The following SAP30L variants were observed in gnomAD, a reference collection of about 807,000 sequenced individuals.
SAP30L encodes the protein SAP30 like.
Under a neutral mutation model 22.3 loss-of-function variants are expected in SAP30L, and 10 were observed. The ratio of observed to expected loss-of-function variants is 0.45; its 90% CI spans 0.28 to 0.76. SAP30L has a LOEUF of 0.76. Ranked by LOEUF, SAP30L falls within the 30% of genes least tolerant of loss-of-function variation. The pLI is 0.14. For missense variants in SAP30L, 206 were observed against 237.9 expected (o/e 0.87, Z 0.88); for synonymous variants, 91 against 94.1 (o/e 0.97, Z 0.19).
chr5:154,450,331 C>T (rs1392153670), intron 1 of SAP30L, among the ~76,000 whole-genome samples: 1 of 152,208 alleles, frequency 6.6e-6, no homozygotes, highest in Non-Finnish European at 1.5e-5. Context: ...CTTTGTGGAT[C>T]AGATGTGAGA....
chr5:154,452,339 G>A (rs866579524), intron 2 of SAP30L: 6 of 249,326 alleles, frequency 2.4e-5, no homozygotes, highest in African/African-American at 8.2e-5. Context: ...AGAAATGGAC[G>A]TATTCGATTT....
Position 154,459,871 on chromosome 5 carries a change from C to G in SAP30L, c.*3843C>G, listed in dbSNP as rs77768833. ...TGCACTGTTTTTGCTGAGAAAACAA[C>G]GCTTCAGGACTTAAGGTCTAAGCGT... On this transcript the variant is annotated 3_prime_UTR_variant, in exon 4 of 4. Coordinates refer to ENST00000297109, the MANE Select transcript of SAP30L (RefSeq NM_024632.6). 1 of 152,198 alleles carries G rather than the reference C, an allele frequency of 6.6e-6. No homozygotes were observed. 9.4% of individuals were successfully genotyped at this position (152,198 alleles called of 1,614,324 possible). A position where few individuals can be genotyped will look rare whatever the true frequency, so the allele number is the denominator to read the frequency against.
intron 2 of SAP30L, among the ~76,000 whole-genome samples, chr5:154,451,837 C>T (rs889552954): frequency 1.3e-5 from 2 of 152,204 alleles, no homozygotes; most frequent in Non-Finnish European, 2.9e-5. Context: ...GCAGCATCCC[C>T]TCGTGAGATT....
intron 2 of SAP30L, among the ~76,000 whole-genome samples, chr5:154,451,933 G>A (rs879147792): frequency 6.6e-6 from 1 of 152,136 alleles, no homozygotes; most frequent in Non-Finnish European, 1.5e-5. Flanking sequence ...ATCGTCCTGT[G>A]TTGAGAACCA....
At chr5:154,446,844 C>G in intron 1 of SAP30L, 39 bp downstream of exon 1, 1 of 1,549,204 alleles carries the variant, frequency 6.5e-7, no homozygotes, top group Non-Finnish European at 8.8e-7. Context: ...CCCGGCGCCC[C>G]CAGCTCTCCG....
In SAP30L at chr5:154,456,213, T is replaced by G. The variant is rs766753475; in HGVS notation, c.*185T>G. 6.3e-5 allele frequency: 30 copies of G among 474,002 alleles called. No homozygotes were observed. Among genetic ancestry groups the G allele is most frequent in the Non-Finnish European group, 1.0e-4 (29 of 284,192 alleles). 29.4% of individuals were successfully genotyped at this position (474,002 alleles called of 1,614,324 possible). A position where few individuals can be genotyped will look rare whatever the true frequency, so the allele number is the denominator to read the frequency against. On this transcript the variant is annotated 3_prime_UTR_variant, in exon 4 of 4. Coordinates refer to ENST00000297109, the MANE Select transcript of SAP30L (RefSeq NM_024632.6). Reference sequence around the variant, plus strand: ...ATTCAGCATGTGTATAGAAAGACTTTCTTTTACGATAACTCTGGACTAAAA... The same window carrying G: ...ATTCAGCATGTGTATAGAAAGACTTGCTTTTACGATAACTCTGGACTAAAA...
intron 1 of SAP30L, among the ~76,000 whole-genome samples, chr5:154,447,178 TTC>T (rs1757036559): frequency 1.3e-5 from 2 of 152,346 alleles, no homozygotes; most frequent in African/African-American, 4.8e-5. Flanking sequence ...CTTTTCCAAC[TTC>T]TCTCTCCTTC....
At chr5:154,450,195 T>A (rs1249810569) in intron 1 of SAP30L, among the ~76,000 whole-genome samples, 1 of 152,246 alleles carries the variant, frequency 6.6e-6, no homozygotes, top group Non-Finnish European at 1.5e-5. Context: ...GGATTCTTCA[T>A]GTCTTAGCTG....
chr5:154,447,384 AG>A (rs1426198509), intron 1 of SAP30L, among the ~76,000 whole-genome samples: 1 of 152,214 alleles, frequency 6.6e-6, no homozygotes, highest in East Asian at 1.9e-4. Flanking sequence ...ATGTGACTGG[AG>A]GGGGGAAGAA....
In SAP30L at chr5:154,446,461, C is replaced by A. The variant is rs531660190; in HGVS notation, c.-144C>A. ...GGCCGAGGGAGCCGGGCCTCTCGGA[C>A]GCGGGGCAGGGCAGCGCCCGGGCTG... On this transcript the variant is annotated 5_prime_UTR_variant, in exon 1 of 4. Transcript: ENST00000297109. 7 of 608,796 alleles carry A rather than the reference C, an allele frequency of 1.1e-5. No homozygotes were observed. The South Asian group carries it at 3.0e-4, about 26-fold the overall frequency. 37.7% of individuals were successfully genotyped at this position (608,796 alleles called of 1,614,324 possible).
At position 154,459,936 on chromosome 5, in the gene SAP30L, G is replaced by C. The variant is rs1337193129; in HGVS notation, c.*3908G>C. 2.0e-5 allele frequency: 3 copies of C among 152,180 alleles called. No individual in the cohort carries two copies. The highest frequency in any genetic ancestry group is 7.2e-5 in the African/African-American group (3 of 41,444). The allele number at this position is 152,180 out of a possible 1,614,324, so 9.4% of individuals were successfully genotyped here. On this transcript the variant is annotated 3_prime_UTR_variant, in exon 4 of 4. Coordinates refer to ENST00000297109, the MANE Select transcript of SAP30L (RefSeq NM_024632.6). Reference sequence around the variant, plus strand: ...ATTTTCAAGGTGGAAAGTCTGTTAAGCTTGCTGTTGTCCAATCATCCGTTT... The same window carrying C: ...ATTTTCAAGGTGGAAAGTCTGTTAACCTTGCTGTTGTCCAATCATCCGTTT...
rs948575749 is a variant in SAP30L at position 154,457,590 on chromosome 5, C to T, written c.*1562C>T. ...CTCAGTTCTGTGGAGCAGAGTACCA[C>T]GCTTTCTGTGGAATGGGGACAGGGT... On this transcript the variant is annotated 3_prime_UTR_variant, in exon 4 of 4. Transcript: ENST00000297109. The T allele has an allele frequency of 2.0e-5, 3 of 152,206 alleles. No individual in the cohort carries two copies. The highest frequency in any genetic ancestry group is 6.5e-5 in the Admixed American group (1 of 15,288). 9.4% of individuals were successfully genotyped at this position (152,206 alleles called of 1,614,324 possible). A position where few individuals can be genotyped will look rare whatever the true frequency, so the allele number is the denominator to read the frequency against.
At chr5:154,452,588 C>A in intron 2 of SAP30L, 2 of 549,938 alleles carry the variant, frequency 3.6e-6, no homozygotes, top group Non-Finnish European at 4.6e-6. Context: ...AAGGGGGGGT[C>A]CCTTCCCCTC....
rs1436690288 is a variant in SAP30L, at chr5:154,459,924, AAAGTCTGTT to A, written c.*3900_*3908del. On this transcript the variant is annotated 3_prime_UTR_variant, in exon 4 of 4. Coordinates refer to ENST00000297109, the MANE Select transcript of SAP30L (RefSeq NM_024632.6). Reference sequence around the variant, plus strand: ...GAGAAGTGCCGTATTTTCAAGGTGGAAAGTCTGTTAAGCTTGCTGTTGTCCAATCATCCG... The same window carrying A: ...GAGAAGTGCCGTATTTTCAAGGTGGAAAGCTTGCTGTTGTCCAATCATCCG... 1 of 152,182 alleles carries A rather than the reference AAAGTCTGTT, an allele frequency of 6.6e-6. No individual in the cohort carries two copies. Among genetic ancestry groups the A allele is most frequent in the Non-Finnish European group, 1.5e-5 (1 of 68,034 alleles). 9.4% of individuals were successfully genotyped at this position (152,182 alleles called of 1,614,324 possible). A position where few individuals can be genotyped will look rare whatever the true frequency, so the allele number is the denominator to read the frequency against.
At chr5:154,455,856 T>C (rs985018379) in intron 3 of SAP30L, 44 bp from the exon 4 acceptor site, 13 of 1,569,522 alleles carry the variant, frequency 8.3e-6, no homozygotes, top group Non-Finnish European at 1.1e-5. Context: ...TGCGGTGTGA[T>C]TTGTGCATGG....
chr5:154,456,850 T>C lies in SAP30L; in HGVS notation c.*822T>C, dbSNP rs1318391717. The C allele has an allele frequency of 2.0e-5, 3 of 152,194 alleles. No individual in the cohort carries two copies. Among genetic ancestry groups the C allele is most frequent in the Middle Eastern group, 3.2e-3 (1 of 316 alleles). The allele number at this position is 152,194 out of a possible 1,614,324, so 9.4% of individuals were successfully genotyped here. On this transcript the variant is annotated 3_prime_UTR_variant, in exon 4 of 4. Coordinates refer to ENST00000297109, the MANE Select transcript of SAP30L (RefSeq NM_024632.6). The stretch of plus-strand genomic sequence containing the variant: ...CCCCACTATGCTTCACTCTTTGGGG[T>C]GCAGTTAGATATTATGACTTCAGCC...
At position 154,446,158 on chromosome 5, in the gene SAP30L, C is replaced by T. The variant is rs1375180804; in HGVS notation, c.-447C>T. On this transcript the variant is annotated 5_prime_UTR_variant, in exon 1 of 4. Transcript: ENST00000297109. ...GCCCCGCGCGAGGAGGCCGCGCCAC[C>T]CCGGGGGAGCTGCCCGGCAGCGAGT... 2 of 152,284 alleles carry T rather than the reference C, an allele frequency of 1.3e-5. No homozygotes were observed. Among genetic ancestry groups the T allele is most frequent in the African/African-American group, 4.8e-5 (2 of 41,410 alleles). 9.4% of individuals were successfully genotyped at this position (152,284 alleles called of 1,614,324 possible).
intron 1 of SAP30L, among the ~76,000 whole-genome samples, chr5:154,448,955 T>C (rs1021779893): frequency 7.2e-5 from 11 of 152,176 alleles, no homozygotes; most frequent in Non-Finnish European, 1.6e-4. Context: ...ACAAGAATTT[T>C]TAGCTATTGC....
At position 154,458,748 on chromosome 5, in the gene SAP30L, G is replaced by A. The variant is rs1023731679; in HGVS notation, c.*2720G>A. 1 of 152,072 alleles carries A rather than the reference G, an allele frequency of 6.6e-6. No individual in the cohort carries two copies. The highest frequency in any genetic ancestry group is 1.5e-5 in the Non-Finnish European group (1 of 68,030). The allele number at this position is 152,072 out of a possible 1,614,324, so 9.4% of individuals were successfully genotyped here. A position where few individuals can be genotyped will look rare whatever the true frequency, so the allele number is the denominator to read the frequency against. ...GAAACATCAGTATCCTGCCATTCAT[G>A]TTGTTTTAAGATGTTTTAAAAACCA... is the stretch of plus-strand genomic sequence containing the variant. On this transcript the variant is annotated 3_prime_UTR_variant, in exon 4 of 4. Coordinates refer to ENST00000297109, the MANE Select transcript of SAP30L (RefSeq NM_024632.6).
Sources: gnomAD v4.1 joint callset for allele counts (sites outside exome capture counted in the v4.1 genomes callset) on GRCh38, gnomAD v4.1.1 for gene constraint, MANE v1.5 for transcripts, NCBI Gene and HGNC (gene_info 2026-07-23, HGNC 2026-07-21) for gene names.